The following RBM46 variants were observed in gnomAD, a reference collection of about 807,000 sequenced individuals.
The protein encoded by RBM46 is RNA binding motif protein 46.
RBM46 carries 12 observed loss-of-function variants against 43.3 expected under a neutral mutation model. The observed-to-expected ratio is 0.28, with a 90% confidence interval of 0.18 to 0.45. RBM46 has a LOEUF of 0.45. Among genes scored for constraint, RBM46 ranks in the 20% least tolerant of loss-of-function variants. The pLI is 1.00. For missense variants in RBM46, 412 were observed against 639.1 expected, an observed-to-expected ratio of 0.64 and a Z score of 3.83; for synonymous variants, 205 against 207.6, an observed-to-expected ratio of 0.99 and a Z score of 0.11.
chr4:154,788,958 T>C (rs1266342432), intron 1 of RBM46, among the ~76,000 whole-genome samples: 1 of 151,092 alleles, frequency 6.6e-6, no homozygotes, highest in African/African-American at 2.4e-5. Context: ...GTGAATTGCT[T>C]CACATGATTT....
intron 4 of RBM46, among the ~76,000 whole-genome samples, chr4:154,822,559 A>C (rs1348645500): frequency 6.6e-6 from 1 of 151,570 alleles, no homozygotes; most frequent in East Asian, 1.9e-4. Context: ...AATGTATAGT[A>C]GTATAGCTTA....
chr4:154,819,607 A>T (rs1327610185), intron 4 of RBM46, among the ~76,000 whole-genome samples: 1 of 152,204 alleles, frequency 6.6e-6, no homozygotes. Context: ...TACCTAGTTC[A>T]TCATGTAAAA....
intron 4 of RBM46, among the ~76,000 whole-genome samples, chr4:154,806,316 C>G (rs1473424156): frequency 6.6e-6 from 1 of 151,838 alleles, no homozygotes; most frequent in Non-Finnish European, 1.5e-5. Context: ...AATCCTTTCT[C>G]AGCCATCAAC....
At chr4:154,823,371 A>G (rs571276926) in intron 4 of RBM46, among the ~76,000 whole-genome samples, 44 of 152,064 alleles carry the variant, frequency 2.9e-4, no homozygotes, top group African/African-American at 9.4e-4. Flanking sequence ...TAAGTTGCAC[A>G]CTTAAAGATA....
Position 154,796,746 on chromosome 4 carries a change from T to C in RBM46, c.-7T>C, listed in dbSNP as rs1734371533. The C allele has an allele frequency of 2.5e-6, 4 of 1,599,268 alleles. No homozygotes were observed. Among genetic ancestry groups the C allele is most frequent in the Non-Finnish European group, 3.4e-6 (4 of 1,173,234 alleles). On this transcript the variant is annotated 5_prime_UTR_variant, in exon 2 of 5. Transcript: ENST00000281722. ...TGTTATTAAACTTTATTTTAGGAAC[T>C]GCAACCATGAATGAAGAAAATATAG...
intron 4 of RBM46, among the ~76,000 whole-genome samples, chr4:154,807,897 C>T (rs2111168789): frequency 6.6e-6 from 1 of 151,982 alleles, no homozygotes; most frequent in Non-Finnish European, 1.5e-5. Context: ...AACATTTGAG[C>T]TATAAGAATG....
rs541879682 is a variant in RBM46, at chr4:154,794,273, C to T, written c.-11-2469C>T. Among the ~76,000 whole-genome samples, 52 of 151,490 alleles carry T rather than the reference C, an allele frequency of 3.4e-4. 1 individual carries two copies. Among genetic ancestry groups the T allele is most frequent in the Admixed American group, 6.6e-4 (10 of 15,210 alleles). Reference sequence around the variant, plus strand: ...TCTGCTCACTGCAAGCTCCGCCTCCCGGGTTCTTGCCTTTCTCCTGCCTCA... The same window carrying T: ...TCTGCTCACTGCAAGCTCCGCCTCCTGGGTTCTTGCCTTTCTCCTGCCTCA... On this transcript the variant is annotated intron_variant, in intron 1 of 4. Coordinates refer to ENST00000281722, the MANE Select transcript of RBM46 (RefSeq NM_144979.5).
At chr4:154,822,699 T>TA (rs1207253545) in intron 4 of RBM46, among the ~76,000 whole-genome samples, 1 of 151,436 alleles carries the variant, frequency 6.6e-6, no homozygotes, top group African/African-American at 2.4e-5. Context: ...GGATTTTTTT[T>TA]AAAAAAATTT....
At chr4:154,811,628 C>T (rs775279407) in intron 4 of RBM46, among the ~76,000 whole-genome samples, 83 of 151,274 alleles carry the variant, frequency 5.5e-4, no homozygotes, top group Non-Finnish European at 1.8e-4. Flanking sequence ...ATTAGTCTCA[C>T]AGTTCCTTGT....
intron 1 of RBM46, among the ~76,000 whole-genome samples, chr4:154,789,721 A>G (rs564825637): frequency 4.3e-4 from 65 of 152,168 alleles, no homozygotes; most frequent in African/African-American, 1.5e-3. Flanking sequence ...CTCTTTTTCT[A>G]TTGATTGGAA....
At chr4:154,824,688 C>T (rs1560916469) in intron 4 of RBM46, among the ~76,000 whole-genome samples, 1 of 151,972 alleles carries the variant, frequency 6.6e-6, no homozygotes, top group Non-Finnish European at 1.5e-5. Context: ...AAAAAGCATC[C>T]TTATTTTGTA....
At chr4:154,811,707 G>GT (rs1432580889) in intron 4 of RBM46, among the ~76,000 whole-genome samples, 1 of 150,534 alleles carries the variant, frequency 6.6e-6, no homozygotes, top group Non-Finnish European at 1.5e-5. Context: ...GTGTGACAGA[G>GT]TTTCGCTGTG....
rs867171904 is a variant in RBM46, at chr4:154,816,881, A to T, written c.1403-10987A>T. ...TGCTTTGTATGAGTTTTTATCATGA[A>T]TGGGTCATGAATTTTGTCAAATACT... On this transcript the variant is annotated intron_variant, in intron 4 of 4. Coordinates refer to ENST00000281722, the MANE Select transcript of RBM46 (RefSeq NM_144979.5). 8.4e-4 allele frequency among the ~76,000 whole-genome samples: 128 copies of T among 152,092 alleles called. 1 individual carries two copies. Among genetic ancestry groups the T allele is most frequent in the African/African-American group, 2.9e-3 (120 of 41,432 alleles).
At chr4:154,816,413 T>C (rs1400196023) in intron 4 of RBM46, among the ~76,000 whole-genome samples, 1 of 152,128 alleles carries the variant, frequency 6.6e-6, no homozygotes, top group Non-Finnish European at 1.5e-5. Context: ...AAAAATTTGC[T>C]CTCTCAGTAG....
chr4:154,820,227 CT>C (rs376736142), intron 4 of RBM46: 1 of 443,812 alleles, frequency 2.3e-6, no homozygotes, highest in Non-Finnish European at 3.9e-6. Flanking sequence ...CCCCTTACTT[CT>C]TTTTCTCTAA....
chr4:154,817,586 C>T (rs1377220577), intron 4 of RBM46, among the ~76,000 whole-genome samples: 2 of 152,074 alleles, frequency 1.3e-5, no homozygotes, highest in African/African-American at 4.8e-5. Flanking sequence ...CCCGCCTTGG[C>T]CTCCCAAAGT....
intron 1 of RBM46, among the ~76,000 whole-genome samples, chr4:154,782,845 A>G (rs528094713): frequency 5.3e-5 from 8 of 152,334 alleles, no homozygotes; most frequent in Non-Finnish European, 4.4e-5. Flanking sequence ...CGTTATAACC[A>G]GGAAGCAGGA....
chr4:154,811,663 G>GTGTC (rs1365715615), intron 4 of RBM46, among the ~76,000 whole-genome samples: 5 of 128,356 alleles, frequency 3.9e-5, no homozygotes, highest in African/African-American at 1.5e-4. Context: ...GTGTGTGTGT[G>GTGTC]TGTGTCTGTG....
intron 4 of RBM46, among the ~76,000 whole-genome samples, chr4:154,809,598 C>T (rs1735081384): frequency 6.6e-6 from 1 of 152,008 alleles, no homozygotes; most frequent in African/African-American, 2.4e-5. Flanking sequence ...GAAATTTACA[C>T]AAATTCAATA....
Sources: gnomAD v4.1 joint callset for allele counts (sites outside exome capture counted in the v4.1 genomes callset) on GRCh38, gnomAD v4.1.1 for gene constraint, MANE v1.5 for transcripts, NCBI Gene and HGNC (gene_info 2026-07-23, HGNC 2026-07-21) for gene names.